LHFPL3: variants seen among roughly 807,000 people sequenced by gnomAD.
LHFPL3 encodes LHFPL tetraspan subfamily member 3, also known as LHFPL tetraspan subfamily member 3 protein.
A neutral mutation model predicts 19.3 loss-of-function variants in LHFPL3; 5 were observed. The ratio of observed to expected loss-of-function variants is 0.26; its 90% CI spans 0.14 to 0.54. LHFPL3 has a LOEUF of 0.54. LHFPL3 is among the 20% of genes least tolerant of loss of function. LHFPL3 has a pLI of 0.94. For synonymous variants in LHFPL3, 133 were observed against 126.2 expected (o/e 1.05, Z -0.36); for missense variants, 249 against 307.4 (o/e 0.81, Z 1.42).
chr7:104,886,848 G>GA (rs1792158445), intron 2 of LHFPL3, among the ~76,000 whole-genome samples: 1 of 152,158 alleles, frequency 6.6e-6, no homozygotes, highest in East Asian at 1.9e-4. Flanking sequence ...GTCTCCCATG[G>GA]GCTAAGCTGC....
chr7:104,867,812 C>G (rs1368172708), intron 2 of LHFPL3, among the ~76,000 whole-genome samples: 1 of 152,094 alleles, frequency 6.6e-6, no homozygotes, highest in Non-Finnish European at 1.5e-5. Flanking sequence ...TGATGAACAT[C>G]GATGAAAAAA....
rs1362259158 is a variant in LHFPL3, at chr7:104,569,839, T to TA, written c.446-166834dup. On this transcript the variant is annotated intron_variant, in intron 1 of 2. Coordinates refer to ENST00000424859, the MANE Select transcript of LHFPL3 (RefSeq NM_199000.3). ...TCACGTAACCTGTAAACAATGGAAA[T>TA]AAGATTCAAACCCAACTCTGTTTGA... is the stretch of plus-strand genomic sequence containing the variant. Among the ~76,000 whole-genome samples the TA allele has an allele frequency of 2.0e-5, 3 of 152,246 alleles. No homozygotes were observed. The South Asian group carries it at 6.2e-4, about 32-fold the overall frequency.
At chr7:104,362,845 C>T (rs889217766) in intron 1 of LHFPL3, among the ~76,000 whole-genome samples, 13 of 152,186 alleles carry the variant, frequency 8.5e-5, no homozygotes, top group African/African-American at 3.1e-4. Flanking sequence ...GGAGTCAAAG[C>T]TGTCCCCTTG....
intron 1 of LHFPL3, among the ~76,000 whole-genome samples, chr7:104,660,731 T>C (rs1009661062): frequency 6.6e-6 from 1 of 152,350 alleles, no homozygotes; most frequent in African/African-American, 2.4e-5. Context: ...CACATCTGCA[T>C]AGATTTTTTC....
intron 1 of LHFPL3, among the ~76,000 whole-genome samples, chr7:104,491,748 C>T (rs950791730): frequency 1.3e-5 from 2 of 152,192 alleles, no homozygotes; most frequent in Non-Finnish European, 2.9e-5. Flanking sequence ...AATCCCTTTA[C>T]ATTTGAAAGT....
chr7:104,629,701 CT>C (rs1791606190), intron 1 of LHFPL3, among the ~76,000 whole-genome samples: 1 of 152,150 alleles, frequency 6.6e-6, no homozygotes, highest in Non-Finnish European at 1.5e-5. Flanking sequence ...GTTGAGAAAA[CT>C]ATTTAAGATT....
intron 1 of LHFPL3, among the ~76,000 whole-genome samples, chr7:104,571,256 A>T (rs1790225131): frequency 6.6e-6 from 1 of 152,228 alleles, no homozygotes; most frequent in African/African-American, 2.4e-5. Context: ...AAAGGCCATG[A>T]AAAAATTAAA....
chr7:104,426,139 T>C (rs976363360), intron 1 of LHFPL3, among the ~76,000 whole-genome samples: 1 of 152,258 alleles, frequency 6.6e-6, no homozygotes, highest in African/African-American at 2.4e-5. Flanking sequence ...TTTATTCTTA[T>C]GTATGGTAGG....
intron 1 of LHFPL3, among the ~76,000 whole-genome samples, chr7:104,520,546 G>A (rs1041602778): frequency 2.2e-4 from 30 of 137,532 alleles, no homozygotes; most frequent in Admixed American, 2.2e-4. Context: ...TTGTACCTCT[G>A]GTAGAATTCG....
intron 1 of LHFPL3, among the ~76,000 whole-genome samples, chr7:104,336,503 T>TA (rs34831677): frequency 4.3e-4 from 63 of 146,792 alleles, no homozygotes; most frequent in African/African-American, 5.7e-4. Context: ...CTTTTTTGCT[T>TA]AAAAAAAAAA....
At chr7:104,614,653 CTCCTTCCT>C (rs758321617) in intron 1 of LHFPL3, among the ~76,000 whole-genome samples, 8 of 51,530 alleles carry the variant, frequency 1.6e-4, no homozygotes, top group African/African-American at 3.6e-4. Context: ...CTTCTCTTCT[CTCCTTCCT>C]TCCTTCCTTC....
At chr7:104,656,737 G>C (rs1179342872) in intron 1 of LHFPL3, among the ~76,000 whole-genome samples, 3 of 152,190 alleles carry the variant, frequency 2.0e-5, no homozygotes, top group Admixed American at 6.5e-5. Context: ...AGGACCTGAG[G>C]AGTCATGGAC....
At chr7:104,562,063 G>C (rs1326260917) in intron 1 of LHFPL3, among the ~76,000 whole-genome samples, 1 of 152,088 alleles carries the variant, frequency 6.6e-6, no homozygotes, top group South Asian at 2.1e-4. Flanking sequence ...CTGTTAGTCT[G>C]ATGGGCTTCC....
chr7:104,384,787 C>CAAA (rs771136918), intron 1 of LHFPL3, among the ~76,000 whole-genome samples: 142 of 73,896 alleles, frequency 1.9e-3, no homozygotes, highest in African/African-American at 2.5e-3. Flanking sequence ...AACTCTATTT[C>CAAA]AAAAAAAAAA....
At chr7:104,839,854 T>C (rs1315586846) in intron 2 of LHFPL3, among the ~76,000 whole-genome samples, 1 of 152,066 alleles carries the variant, frequency 6.6e-6, no homozygotes, top group East Asian at 1.9e-4. Context: ...CTATTGAAAA[T>C]GGGAAGCAGT....
intron 2 of LHFPL3, among the ~76,000 whole-genome samples, chr7:104,897,829 C>G (rs1468790958): frequency 6.6e-6 from 1 of 151,984 alleles, no homozygotes; most frequent in Admixed American, 6.6e-5. Flanking sequence ...ACAGATATAT[C>G]AATATACTTT....
chr7:104,713,554 G>A (rs1245617828), intron 1 of LHFPL3, among the ~76,000 whole-genome samples: 1 of 152,056 alleles, frequency 6.6e-6, no homozygotes, highest in African/African-American at 2.4e-5. Context: ...AGTAGCAAGG[G>A]AGAAATCAGC....
chr7:104,862,761 C>G lies in LHFPL3; in HGVS notation c.683-43426C>G, dbSNP rs551198859. Among the ~76,000 whole-genome samples the G allele has an allele frequency of 2.6e-5, 4 of 152,290 alleles. No homozygotes were observed. In the East Asian group the frequency reaches 7.7e-4, roughly 29 times the overall value. ...GCTTTCCAAGGAGCTTTATCCACAC[C>G]TCTCCTTGGCCCTCACCACAACCTG... On this transcript the variant is annotated intron_variant, in intron 2 of 2. Coordinates refer to ENST00000424859, the MANE Select transcript of LHFPL3 (RefSeq NM_199000.3).
At chr7:104,865,081 C>A (rs1477682626) in intron 2 of LHFPL3, among the ~76,000 whole-genome samples, 5 of 151,456 alleles carry the variant, frequency 3.3e-5, no homozygotes, top group Non-Finnish European at 7.4e-5. Context: ...CTGTACATCA[C>A]CATCATCAAA....
Sources: gnomAD v4.1 joint callset for allele counts (sites outside exome capture counted in the v4.1 genomes callset) on GRCh38, gnomAD v4.1.1 for gene constraint, MANE v1.5 for transcripts, NCBI Gene and HGNC (gene_info 2026-07-23, HGNC 2026-07-21) for gene names.